The following FER variants were observed in gnomAD, a reference collection of about 807,000 sequenced individuals.
The protein encoded by FER is tyrosine-protein kinase Fer.
Under a neutral mutation model 111.0 loss-of-function variants are expected in FER, and 63 were observed. The observed-to-expected ratio is 0.57, with a 90% CI of 0.46 to 0.70. The LOEUF (loss-of-function observed/expected upper bound fraction) is 0.70. Among genes scored for constraint, FER ranks in the 30% least tolerant of loss-of-function variants. The pLI is 0.00. For missense variants in FER, 914 were observed against 954.0 expected, an observed-to-expected ratio of 0.96 and a Z score of 0.55; for synonymous variants, 327 against 313.9, an observed-to-expected ratio of 1.04 and a Z score of -0.44.
intron 17 of FER, among the ~76,000 whole-genome samples, chr5:109,106,718 G>T (rs1264931087): frequency 1.3e-5 from 2 of 151,848 alleles, no homozygotes. Context: ...TTATCCTACT[G>T]CTTTATTCAG....
intron 16 of FER, among the ~76,000 whole-genome samples, chr5:109,091,543 C>T (rs150761082): frequency 6.6e-6 from 1 of 152,178 alleles, no homozygotes; most frequent in African/African-American, 2.4e-5. Context: ...AGAGCAATGC[C>T]TAGCAGTCAG....
chr5:108,868,480 C>G (rs192710570), intron 6 of FER, among the ~76,000 whole-genome samples: 1 of 152,110 alleles, frequency 6.6e-6, no homozygotes, highest in Admixed American at 6.6e-5. Flanking sequence ...ATTAGTGAGT[C>G]AAATGGACAC....
In FER at chr5:108,832,795, C is replaced by A. The variant is rs2150132387; in HGVS notation, c.233C>A (p.Thr78Lys). ...SKSWLLMIQQ[T>K]EQLSRIMKTH... ...TCTTGGCTACTTATGATTCAGCAGA[C>A]AGAACAACTTAGTAGGATAATGAAG... Residue 78 changes from threonine to lysine, a missense_variant, in exon 4 of 20, where the codon ACA (threonine) becomes AAA (lysine). Physicochemically the swap from Thr to Lys is moderately conservative, Grantham distance 78. Coordinates refer to ENST00000281092, the MANE Select transcript of FER (RefSeq NM_005246.4). 3 of 1,519,156 alleles carry A rather than the reference C, an allele frequency of 2.0e-6. No homozygotes were observed. The highest frequency in any genetic ancestry group is 2.6e-6 in the Non-Finnish European group (3 of 1,134,328). 94.1% of individuals were successfully genotyped at this position (1,519,156 alleles called of 1,614,324 possible).
At chr5:108,754,406 CAAAAA>C (rs34475850) in intron 1 of FER, among the ~76,000 whole-genome samples, 9,665 of 86,660 alleles carry the variant, frequency 0.11, 435 homozygotes, top group South Asian at 0.16. Flanking sequence ...GTCCCTGTCT[CAAAAA>C]AAAAAAAAAA....
chr5:109,146,244 AATCT>A (rs1379911477), intron 17 of FER, among the ~76,000 whole-genome samples: 4 of 67,304 alleles, frequency 5.9e-5, no homozygotes, highest in South Asian at 3.4e-4. Context: ...ATATATATAT[AATCT>A]ATCTAATATA....
intron 3 of FER, among the ~76,000 whole-genome samples, chr5:108,816,246 A>G (rs1411682821): frequency 3.3e-5 from 5 of 152,260 alleles, no homozygotes; most frequent in South Asian, 4.1e-4. Context: ...GCAGAAAACT[A>G]TAACTAGCTT....
chr5:109,027,090 G>A (rs1173740335), intron 13 of FER, among the ~76,000 whole-genome samples: 2 of 152,090 alleles, frequency 1.3e-5, no homozygotes, highest in Non-Finnish European at 2.9e-5. Context: ...TTTGTAGTGA[G>A]ATAATATTTT....
chr5:109,086,273 A>G (rs568802935), intron 16 of FER, among the ~76,000 whole-genome samples: 10 of 120,328 alleles, frequency 8.3e-5, no homozygotes, highest in African/African-American at 3.3e-4. Flanking sequence ...CTTTCAAGGT[A>G]TCGGTCCTTA....
chr5:108,969,397 C>G (rs1001188529), intron 13 of FER, among the ~76,000 whole-genome samples: 3 of 151,962 alleles, frequency 2.0e-5, no homozygotes, highest in Non-Finnish European at 4.4e-5. Flanking sequence ...ATTGTTAATA[C>G]AAAGAACTAA....
At chr5:109,152,461 C>T (rs1754950939) in intron 17 of FER, among the ~76,000 whole-genome samples, 1 of 151,744 alleles carries the variant, frequency 6.6e-6, no homozygotes, top group East Asian at 1.9e-4. Flanking sequence ...GACCATAAAC[C>T]CATTAGAATT....
intron 13 of FER, among the ~76,000 whole-genome samples, chr5:108,971,296 A>C (rs1025400292): frequency 2.0e-5 from 3 of 147,842 alleles, no homozygotes; most frequent in Admixed American, 6.7e-5. Flanking sequence ...AAAAAAAAAA[A>C]CCCAGAAAGA....
chr5:109,105,213 C>G (rs1748748452), intron 17 of FER, among the ~76,000 whole-genome samples: 1 of 147,264 alleles, frequency 6.8e-6, no homozygotes, highest in South Asian at 2.1e-4. Context: ...ATGTAAGATA[C>G]TGCTTCCAGC....
chr5:109,173,270 T>A (rs777755910), intron 17 of FER, among the ~76,000 whole-genome samples: 1 of 152,200 alleles, frequency 6.6e-6, no homozygotes, highest in Non-Finnish European at 1.5e-5. Context: ...GTCAGCTGTG[T>A]CAGGCAACAA....
At chr5:109,123,951 A>G (rs993366688) in intron 17 of FER, among the ~76,000 whole-genome samples, 1 of 152,090 alleles carries the variant, frequency 6.6e-6, no homozygotes, top group Non-Finnish European at 1.5e-5. Flanking sequence ...TTAAAAGAGC[A>G]TGGCGCAGTG....
intron 2 of FER, among the ~76,000 whole-genome samples, chr5:108,774,216 T>G (rs1753237353): frequency 1.3e-5 from 2 of 152,202 alleles, no homozygotes; most frequent in African/African-American, 4.8e-5. Flanking sequence ...TCCATGTCCC[T>G]GTAAAAGATA....
At chr5:108,826,931 A>T (rs1331104181) in intron 3 of FER, among the ~76,000 whole-genome samples, 1 of 152,088 alleles carries the variant, frequency 6.6e-6, no homozygotes, top group East Asian at 1.9e-4. Context: ...TCTCAATGTT[A>T]TGGTGGTTTT....
intron 5 of FER, among the ~76,000 whole-genome samples, chr5:108,850,233 C>T (rs1241530527): frequency 6.6e-6 from 1 of 150,828 alleles, no homozygotes; most frequent in African/African-American, 2.4e-5. Context: ...CTTTTTTGAG[C>T]TTGTTTTTTT....
At chr5:109,019,499 A>G (rs1447379379) in intron 13 of FER, among the ~76,000 whole-genome samples, 7 of 151,936 alleles carry the variant, frequency 4.6e-5, no homozygotes, top group Admixed American at 6.6e-5. Context: ...TTAAAGTATC[A>G]TTATTAATAT....
At chr5:109,145,843 C>A (rs1035908968) in intron 17 of FER, among the ~76,000 whole-genome samples, 1 of 150,920 alleles carries the variant, frequency 6.6e-6, no homozygotes, top group South Asian at 2.1e-4. Flanking sequence ...TTTTTTAAGG[C>A]CTTGAGTAGA....
Sources: gnomAD v4.1 joint callset for allele counts (sites outside exome capture counted in the v4.1 genomes callset) on GRCh38, gnomAD v4.1.1 for gene constraint, MANE v1.5 for transcripts, NCBI Gene and HGNC (gene_info 2026-07-23, HGNC 2026-07-21) for gene names.